NCSTN: variants seen among roughly 807,000 people sequenced by gnomAD.
NCSTN encodes anterior pharynx-defective 2.
In NCSTN, 22 loss-of-function variants were observed where a neutral mutation model predicts 87.0. The ratio of observed to expected loss-of-function variants is 0.25; its 90% CI spans 0.18 to 0.36. The LOEUF is 0.36. Among genes scored for constraint, NCSTN ranks in the 10% least tolerant of loss-of-function variants. The pLI is 1.00. For synonymous variants in NCSTN, 306 were observed against 327.1 expected, an observed-to-expected ratio of 0.94 and a Z score of 0.69; for missense variants, 693 against 883.3, an observed-to-expected ratio of 0.78 and a Z score of 2.73.
intron 16 of NCSTN, among the ~76,000 whole-genome samples, 182 bp downstream of exon 16, chr1:160,357,435 A>G (rs1649184654): frequency 6.6e-6 from 1 of 151,960 alleles, no homozygotes; most frequent in Non-Finnish European, 1.5e-5. Context: ...ATGGAGTTTC[A>G]TTCTTGTTGC....
chr1:160,355,835 C>T, intron 12 of NCSTN, 28 bp from the exon 13 acceptor site: 1 of 1,605,860 alleles, frequency 6.2e-7, no homozygotes, highest in South Asian at 1.1e-5. Context: ...AGAGGTGGGC[C>T]ATTCAGCCCC....
At position 160,349,129 on chromosome 1, in the gene NCSTN, A is replaced by G. The variant is rs549298862; in HGVS notation, c.314+7A>G. The stretch of plus-strand genomic sequence containing the variant: ...AGAGCAAGCATTTTACCAGGTAAGA[A>G]CTAGATGTATCTGCTGGGAAAACAT... On this transcript the variant is annotated splice_region_variant and intron_variant, in intron 3 of 16. Transcript: ENST00000294785. 3.1e-6 allele frequency: 5 copies of G among 1,614,150 alleles called. No homozygotes were observed. In the Admixed American group the frequency reaches 5.0e-5, roughly 16 times the overall value.
At chr1:160,343,637 C>A (rs1245075785) in intron 1 of NCSTN, 156 bp downstream of exon 1, 1 of 804,080 alleles carries the variant, frequency 1.2e-6, no homozygotes, top group African/African-American at 1.7e-5. Context: ...AGAAGTTCCC[C>A]CTTTGCCTGG....
At chr1:160,349,229 CAG>C in intron 3 of NCSTN, 107 bp downstream of exon 3, 2 of 1,464,256 alleles carry the variant, frequency 1.4e-6, no homozygotes, top group Non-Finnish European at 1.9e-6. Context: ...CTGGTCTGGT[CAG>C]GGGAGAGGGC....
chr1:160,353,861 C>A, intron 10 of NCSTN: 1 of 539,594 alleles, frequency 1.9e-6, no homozygotes, highest in African/African-American at 2.1e-5. Flanking sequence ...GTCTTGAAGA[C>A]AGTAGAATTT....
intron 9 of NCSTN, 70 bp from the exon 10 acceptor site, chr1:160,353,090 C>T: frequency 6.3e-7 from 1 of 1,585,196 alleles, no homozygotes; most frequent in Non-Finnish European, 8.7e-7. Context: ...CTTCCCTTGA[C>T]TTCTATCCCC....
intron 3 of NCSTN, 61 bp downstream of exon 3, chr1:160,349,183 C>A: frequency 1.2e-6 from 2 of 1,605,274 alleles, no homozygotes; most frequent in Non-Finnish European, 1.7e-6. Flanking sequence ...AGTGAACAGT[C>A]CTCACACTTA....
intron 2 of NCSTN, chr1:160,345,039 T>C: frequency 1.6e-6 from 1 of 622,522 alleles, no homozygotes; most frequent in South Asian, 1.9e-5. Flanking sequence ...GTGCATCTCA[T>C]ACAACCCCAA....
At chr1:160,347,487 G>A (rs939300508) in intron 2 of NCSTN, among the ~76,000 whole-genome samples, 7 of 152,266 alleles carry the variant, frequency 4.6e-5, no homozygotes, top group East Asian at 1.9e-4. Flanking sequence ...CATTGAAGGC[G>A]CAGAGAAAAT....
Position 160,353,730 on chromosome 1 carries a change from T to G in NCSTN, c.1180-388T>G, listed in dbSNP as rs376735124. ...CAGCATCATCCCTGCTCTGGACTCC[T>G]GTAGCATTTAAAGAATTGGTTATCT... On this transcript the variant is annotated intron_variant, in intron 10 of 16. Transcript: ENST00000294785. 4 of 984,050 alleles carry G rather than the reference T, an allele frequency of 4.1e-6. No homozygotes were observed. In the East Asian group the frequency reaches 4.5e-4, roughly 112 times the overall value. The allele number at this position is 984,050 out of a possible 1,614,324, so 61.0% of individuals were successfully genotyped here. A position where few individuals can be genotyped will look rare whatever the true frequency, so the allele number is the denominator to read the frequency against.
intron 11 of NCSTN, 31 bp downstream of exon 11, chr1:160,354,321 A>G (rs766472284): frequency 1.2e-6 from 2 of 1,609,636 alleles, no homozygotes; most frequent in Non-Finnish European, 1.7e-6. Flanking sequence ...CACCCTCTTC[A>G]TTCTTGAAGA....
intron 4 of NCSTN, among the ~76,000 whole-genome samples, 198 bp from the exon 5 acceptor site, chr1:160,349,907 T>C (rs1219158302): frequency 6.6e-6 from 1 of 152,188 alleles, no homozygotes. Context: ...ACATCCCTAA[T>C]CTTACAGCCT....
chr1:160,358,329 A>G lies in NCSTN; in HGVS notation c.*58A>G. ...GTTCACTTCCTAGAGCATCTGTCCC[A>G]CTGGGACACAACCACTAATTTGTCA... On this transcript the variant is annotated 3_prime_UTR_variant, in exon 17 of 17. Coordinates refer to ENST00000294785, the MANE Select transcript of NCSTN (RefSeq NM_015331.3). The G allele has an allele frequency of 6.2e-7, 1 of 1,611,072 alleles. No homozygotes were observed. The highest frequency in any genetic ancestry group is 1.1e-5 in the South Asian group (1 of 91,006).
At position 160,356,502 on chromosome 1, in the gene NCSTN, C is replaced by T; in HGVS notation, c.1640-98C>T. On this transcript the variant is annotated intron_variant, in intron 14 of 16. Coordinates refer to ENST00000294785, the MANE Select transcript of NCSTN (RefSeq NM_015331.3). ...CTTCTCATATTTGATGGATCCTTTT[C>T]CATTGCCCTTCTTTCTGGCTGCTGC... 3 of 1,514,286 alleles carry T rather than the reference C, an allele frequency of 2.0e-6. No individual in the cohort carries two copies. In the South Asian group the frequency reaches 3.4e-5, roughly 17 times the overall value. 93.8% of individuals were successfully genotyped at this position (1,514,286 alleles called of 1,614,324 possible). A position where few individuals can be genotyped will look rare whatever the true frequency, so the allele number is the denominator to read the frequency against.
chr1:160,344,900 C>A, intron 2 of NCSTN, 74 bp downstream of exon 2: 2 of 1,270,800 alleles, frequency 1.6e-6, no homozygotes, highest in Non-Finnish European at 2.3e-6. Flanking sequence ...ACATCCATGT[C>A]CTGCTTAGGA....
chr1:160,352,168 A>G lies in NCSTN; in HGVS notation c.958A>G (p.Thr320Ala). 6.2e-7 allele frequency: 1 copy of G among 1,614,134 alleles called. No homozygotes were observed. Among genetic ancestry groups the G allele is most frequent in the Non-Finnish European group, 8.5e-7 (1 of 1,180,010 alleles). ...TTTGCAAAAGGCACCTGATGTGACC[A>G]CCCTGCCCCGCAATGTCATGTTTGT... The part of the protein sequence containing the change: ...EALQKAPDVT[T>A]LPRNVMFVFF... The change falls in exon 8 of 17, where the codon ACC becomes GCC. Residue 320 changes from threonine to alanine, a missense_variant. Thr to Ala is a moderately conservative substitution (Grantham distance 58). Coordinates refer to ENST00000294785, the MANE Select transcript of NCSTN (RefSeq NM_015331.3).
Position 160,356,732 on chromosome 1 carries a change from A to C in NCSTN, c.1772A>C (p.Lys591Thr). 2 of 1,614,244 alleles carry C rather than the reference A, an allele frequency of 1.2e-6. No homozygotes were observed. Among genetic ancestry groups the C allele is most frequent in the South Asian group, 1.1e-5 (1 of 91,086 alleles). ...LTREQCQDPS[K>T]VPSENKDLYE... Reference sequence around the variant, plus strand: ...CGAGAGCAGTGCCAGGATCCAAGTAAAGTCCCAAGTGAAAACAAGGATGTG... The same window carrying C: ...CGAGAGCAGTGCCAGGATCCAAGTACAGTCCCAAGTGAAAACAAGGATGTG... The change falls in exon 15 of 17, where the codon AAA becomes ACA. Residue 591 changes from lysine (K) to threonine (T), a missense_variant. Physicochemically the swap from Lys to Thr is moderately conservative, Grantham distance 78. Around this residue, in one of 4 missense-constraint regions of NCSTN, gnomAD observed 216 missense variants for 311.7 expected, o/e 0.69. Transcript: ENST00000294785.
rs1648752872 is a variant in NCSTN, at chr1:160,350,113, T to G, written c.445T>G (p.Ser149Ala). 6.2e-7 allele frequency: 1 copy of G among 1,613,970 alleles called. No individual in the cohort carries two copies. The highest frequency in any genetic ancestry group is 1.3e-5 in the African/African-American group (1 of 74,916). The change falls in exon 5 of 17, where the codon TCC becomes GCC. Residue 149 changes from serine (S) to alanine (A), a missense_variant. Physicochemically the swap from Ser to Ala is moderately conservative, Grantham distance 99 (BLOSUM62 1). This residue lies in a region of NCSTN where 235 missense variants were observed against 233.9 expected (regional missense o/e 1.00). Transcript: ENST00000294785. ...CCCATCCTTCCCTTCAGGTGTTTACTCCAATTCCTATGGGCCAGAGTTTGC... is the reference window on the plus strand; with the variant it reads ...CCCATCCTTCCCTTCAGGTGTTTACGCCAATTCCTATGGGCCAGAGTTTGC... ...QCPNDGFGVY[S>A]NSYGPEFAHC...
intron 11 of NCSTN, among the ~76,000 whole-genome samples, 155 bp downstream of exon 11, chr1:160,354,445 A>C (rs1484456221): frequency 6.6e-6 from 1 of 152,160 alleles, no homozygotes; most frequent in Non-Finnish European, 1.5e-5. Flanking sequence ...TCACATCTGA[A>C]CTGAAACCCT....
Sources: gnomAD v4.1 joint callset for allele counts (sites outside exome capture counted in the v4.1 genomes callset) on GRCh38, gnomAD v4.1.1 for gene constraint, gnomAD v4.1.1 regional missense constraint, MANE v1.5 for transcripts, NCBI Gene and HGNC (gene_info 2026-07-23, HGNC 2026-07-21) for gene names.